The following RRP15 variants were observed in gnomAD, a reference collection of about 807,000 sequenced individuals.
The protein encoded by RRP15 is RRP15-like protein.
In RRP15, 18 loss-of-function variants were observed where a neutral mutation model predicts 27.1. The ratio of observed to expected loss-of-function variants is 0.66; its 90% confidence interval spans 0.46 to 0.98. RRP15 has a LOEUF of 0.98. RRP15 is among the 50% of genes least tolerant of loss of function. The probability of loss-of-function intolerance (pLI) is 0.00; values close to 1 mark genes in which losing one functional copy is unlikely to be tolerated. For synonymous variants in RRP15, 107 were observed against 109.4 expected, an observed-to-expected ratio of 0.98 and a Z score of 0.14; for missense variants, 359 against 337.8, an observed-to-expected ratio of 1.06 and a Z score of -0.49.
At chr1:218,312,892 T>C (rs1418841141) in intron 4 of RRP15, among the ~76,000 whole-genome samples, 1 of 152,178 alleles carries the variant, frequency 6.6e-6, no homozygotes, top group Admixed American at 6.5e-5. Context: ...AGTTGGAATG[T>C]AGGATGTTTG....
chr1:218,322,565 T>C (rs1206392798), intron 4 of RRP15, among the ~76,000 whole-genome samples: 5 of 151,988 alleles, frequency 3.3e-5, no homozygotes, highest in South Asian at 2.1e-4. Flanking sequence ...TCTTTACTTA[T>C]ACATGTAGTT....
chr1:218,304,972 T>C, intron 2 of RRP15, 56 bp from the exon 3 acceptor site: 1 of 1,478,792 alleles, frequency 6.8e-7, no homozygotes, highest in Non-Finnish European at 9.4e-7. Context: ...TACCAATGTT[T>C]GCTGCACTTT....
Position 218,294,467 on chromosome 1 carries a change from A to G in RRP15, c.140-7827A>G, listed in dbSNP as rs183555697. 1.2e-3 allele frequency among the ~76,000 whole-genome samples: 188 copies of G among 152,310 alleles called. 1 individual carries two copies. The highest frequency in any genetic ancestry group is 3.4e-3 in the Middle Eastern group (1 of 294). ...CGATTAATTTTCTAGAGCAACTCAC[A>G]GAACTCAGGGAGACACTTAAGTTTA... is the stretch of plus-strand genomic sequence containing the variant. On this transcript the variant is annotated intron_variant, in intron 1 of 4. Coordinates refer to ENST00000366932, the MANE Select transcript of RRP15 (RefSeq NM_016052.4).
intron 1 of RRP15, among the ~76,000 whole-genome samples, chr1:218,298,359 A>G (rs549506940): frequency 2.4e-3 from 362 of 152,254 alleles, no homozygotes; most frequent in Non-Finnish European, 4.3e-3. Flanking sequence ...TACAAATTCT[A>G]TTACAATTTG....
intron 2 of RRP15, among the ~76,000 whole-genome samples, 153 bp from the exon 3 acceptor site, chr1:218,304,875 C>G (rs1294913973): frequency 6.6e-6 from 1 of 152,208 alleles, no homozygotes; most frequent in African/African-American, 2.4e-5. Flanking sequence ...GCTCTCGAAG[C>G]TAAACCCCTA....
intron 2 of RRP15, among the ~76,000 whole-genome samples, chr1:218,304,450 G>T (rs1043246809): frequency 1.3e-5 from 2 of 152,146 alleles, no homozygotes; most frequent in African/African-American, 4.8e-5. Flanking sequence ...ACAGTTTGCT[G>T]TAGCTTACAA....
intron 4 of RRP15, among the ~76,000 whole-genome samples, chr1:218,318,266 G>A (rs1656121489): frequency 1.3e-5 from 2 of 152,036 alleles, no homozygotes; most frequent in Non-Finnish European, 2.9e-5. Flanking sequence ...ATTGAGGTAT[G>A]ATGTTCATAT....
At position 218,296,694 on chromosome 1, in the gene RRP15, A is replaced by G. The variant is rs1655723825; in HGVS notation, c.140-5600A>G. Among the ~76,000 whole-genome samples the G allele has an allele frequency of 3.3e-5, 5 of 152,176 alleles. No homozygotes were observed. The South Asian group carries it at 1.0e-3, about 32-fold the overall frequency. On this transcript the variant is annotated intron_variant, in intron 1 of 4. Transcript: ENST00000366932. ...AAGTGTTGTGAAATGATAATACATA[A>G]AAAGTGCTTTATAAATAGTGCCTAC...
chr1:218,307,401 A>G lies in RRP15; in HGVS notation c.504-30A>G, dbSNP rs1655915535. 3 of 1,570,224 alleles carry G rather than the reference A, an allele frequency of 1.9e-6. No individual in the cohort carries two copies. In the Admixed American group the frequency reaches 5.1e-5, roughly 27 times the overall value. ...TTGTATTCTAGGGTAATTATTTAAT[A>G]CATCATTCTGGTCATTTTATATTCT... On this transcript the variant is annotated intron_variant, in intron 3 of 4. Coordinates refer to ENST00000366932, the MANE Select transcript of RRP15 (RefSeq NM_016052.4).
Position 218,333,011 on chromosome 1 carries a change from A to G in RRP15, c.*1920A>G, listed in dbSNP as rs1656397917. ...TGAATAGTACATTCACATGATAGAT[A>G]CGGATAAATACCTTATTTACTAAAA... On this transcript the variant is annotated 3_prime_UTR_variant, in exon 5 of 5. Coordinates refer to ENST00000366932, the MANE Select transcript of RRP15 (RefSeq NM_016052.4). The G allele has an allele frequency of 6.6e-6, 1 of 152,180 alleles. No individual in the cohort carries two copies. Among genetic ancestry groups the G allele is most frequent in the African/African-American group, 2.4e-5 (1 of 41,446 alleles). 9.4% of individuals were successfully genotyped at this position (152,180 alleles called of 1,614,324 possible).
intron 4 of RRP15, among the ~76,000 whole-genome samples, chr1:218,320,783 T>G (rs1294362958): frequency 2.0e-5 from 3 of 152,076 alleles, no homozygotes; most frequent in African/African-American, 7.2e-5. Context: ...CGAAAAAAAT[T>G]GAATCCATAA....
intron 1 of RRP15, among the ~76,000 whole-genome samples, chr1:218,297,861 C>G (rs1457559075): frequency 6.6e-6 from 1 of 152,132 alleles, no homozygotes; most frequent in East Asian, 1.9e-4. Flanking sequence ...TTTTAAACTA[C>G]TTGGTTTTAA....
In RRP15 at chr1:218,337,942, C is replaced by T. The variant is rs1035189694; in HGVS notation, c.*6851C>T. 6.6e-5 allele frequency: 10 copies of T among 152,026 alleles called. No homozygotes were observed. Among genetic ancestry groups the T allele is most frequent in the African/African-American group, 9.7e-5 (4 of 41,408 alleles). 9.4% of individuals were successfully genotyped at this position (152,026 alleles called of 1,614,324 possible). On this transcript the variant is annotated 3_prime_UTR_variant, in exon 5 of 5. Transcript: ENST00000366932. ...TCCCTTTCCATGTGTCCACTGTTTC[C>T]TTGTGCCTTTTGATTAATAAAACTT...
intron 4 of RRP15, among the ~76,000 whole-genome samples, chr1:218,330,653 A>T (rs1400827681): frequency 6.6e-6 from 1 of 152,128 alleles, no homozygotes; most frequent in African/African-American, 2.4e-5. Flanking sequence ...AATTAATACC[A>T]AACCTAGATT....
rs1477230431 is a variant in RRP15 at position 218,337,335 on chromosome 1, A to G, written c.*6244A>G. On this transcript the variant is annotated 3_prime_UTR_variant, in exon 5 of 5. Transcript: ENST00000366932. The stretch of plus-strand genomic sequence containing the variant: ...GTGCTTATTGAGGCCCAGCAATTCT[A>G]CTTCTGGAAACCTTCCTCAGGAAAA... 1 of 152,234 alleles carries G rather than the reference A, an allele frequency of 6.6e-6. No homozygotes were observed. Among genetic ancestry groups the G allele is most frequent in the Non-Finnish European group, 1.5e-5 (1 of 68,046 alleles). 9.4% of individuals were successfully genotyped at this position (152,234 alleles called of 1,614,324 possible). A position where few individuals can be genotyped will look rare whatever the true frequency, so the allele number is the denominator to read the frequency against.
chr1:218,287,033 A>C (rs556883633), intron 1 of RRP15, among the ~76,000 whole-genome samples: 106 of 152,072 alleles, frequency 7.0e-4, no homozygotes, highest in Non-Finnish European at 1.4e-3. Context: ...GGCTCACTGC[A>C]ACCTTGACCT....
chr1:218,330,223 A>C (rs1464655654), intron 4 of RRP15, among the ~76,000 whole-genome samples: 3 of 152,188 alleles, frequency 2.0e-5, no homozygotes, highest in African/African-American at 7.2e-5. Flanking sequence ...TACTTAATTG[A>C]TACCACAAGG....
At chr1:218,310,428 G>A (rs529279427) in intron 4 of RRP15, among the ~76,000 whole-genome samples, 2 of 152,104 alleles carry the variant, frequency 1.3e-5, no homozygotes, top group Admixed American at 6.5e-5. Context: ...AGTTATATGT[G>A]TTATTCAGTT....
chr1:218,314,078 C>T (rs1656043310), intron 4 of RRP15, among the ~76,000 whole-genome samples: 1 of 151,684 alleles, frequency 6.6e-6, no homozygotes, highest in Non-Finnish European at 1.5e-5. Context: ...TGGTCTCGAA[C>T]TCCTGGGTTC....
Sources: allele counts gnomAD v4.1 joint callset (sites outside exome capture counted in the v4.1 genomes callset), GRCh38; gene constraint gnomAD v4.1.1; transcripts MANE v1.5; gene names NCBI Gene and HGNC (gene_info 2026-07-23, HGNC 2026-07-21).